ACSL1: variants seen among roughly 807,000 people sequenced by gnomAD.
The protein encoded by ACSL1 is acyl-CoA synthetase long chain family member 1, also known as long-chain-fatty-acid--CoA ligase 1.
In ACSL1, 41 loss-of-function variants were observed where a neutral mutation model predicts 98.4. That is an observed-to-expected ratio of 0.42 (90% CI 0.32 to 0.54). ACSL1 has a LOEUF of 0.54. Among genes scored for constraint, ACSL1 ranks in the 20% least tolerant of loss-of-function variants. The pLI is 0.13. For synonymous variants in ACSL1, 316 were observed against 322.7 expected (o/e 0.98, Z 0.22); for missense variants, 734 against 883.1 (o/e 0.83, Z 2.14).
At position 184,766,043 on chromosome 4, in the gene ACSL1, C is replaced by T; in HGVS notation, c.1264-57G>A. 6.4e-7 allele frequency: 1 copy of T among 1,567,724 alleles called. No individual in the cohort carries two copies. The highest frequency in any genetic ancestry group is 8.7e-7 in the Non-Finnish European group (1 of 1,143,278). ...GGTTACACACCTGGAAGTCGGCGGC[C>T]TCTCCGCCAAGGGGGCCTGCTTGGG... On this transcript the variant is annotated intron_variant, in intron 13 of 20. Coordinates refer to ENST00000281455, the MANE Select transcript of ACSL1 (RefSeq NM_001995.5). The surrounding 1 kb of genome is among the most constrained non-coding windows in gnomAD (Gnocchi z 4.8).
intron 1 of ACSL1, chr4:184,814,878 G>A (rs1005583855): frequency 2.4e-5 from 9 of 374,280 alleles, no homozygotes; most frequent in Non-Finnish European, 3.7e-5. Flanking sequence ...TTCCACTTTC[G>A]TGCCTCTTTG....
rs1245446319 is a variant in ACSL1 at position 184,773,990 on chromosome 4, C to T, written c.757-115G>A. The T allele has an allele frequency of 8.4e-6, 9 of 1,068,892 alleles. No homozygotes were observed. The highest frequency in any genetic ancestry group is 2.5e-5 in the East Asian group (1 of 40,100). The allele number at this position is 1,068,892 out of a possible 1,614,324, so 66.2% of individuals were successfully genotyped here. ...CTGTGGGGTTCATTCACACCTGGCT[C>T]GAAAACAGCATAATTTTCTAATTAA... On this transcript the variant is annotated intron_variant, in intron 7 of 20. Transcript: ENST00000281455. The surrounding 1 kb of genome is among the most constrained non-coding windows in gnomAD (Gnocchi z 4.3).
chr4:184,776,520 C>A lies in ACSL1; in HGVS notation c.720G>T (p.Arg240Ser). ...TCATGCTGGTGACTTCCACCCCACA[C>A]CTCTGGCCTCGTTCCACCAGTTCAC... is the stretch of plus-strand genomic sequence containing the variant. Reference protein sequence around the residue: ...YGSELVERGQRCGVEVTSMKA... With the variant: ...YGSELVERGQSCGVEVTSMKA... Residue 240 changes from arginine to serine, a missense_variant, in exon 7 of 21, where the codon AGG becomes AGT. Coordinates refer to ENST00000281455, the MANE Select transcript of ACSL1 (RefSeq NM_001995.5). The A allele has an allele frequency of 1.2e-6, 2 of 1,613,970 alleles. 1 individual carries two copies. Among genetic ancestry groups the A allele is most frequent in the South Asian group, 2.2e-5 (2 of 91,076 alleles).
At chr4:184,813,850 T>C (rs1226634415) in intron 1 of ACSL1, 3 of 456,082 alleles carry the variant, frequency 6.6e-6, no homozygotes, top group South Asian at 4.6e-5. Flanking sequence ...ACTTTCCTCC[T>C]CCGAGGGCCA....
intron 1 of ACSL1, among the ~76,000 whole-genome samples, chr4:184,823,777 G>C (rs1002697490): frequency 8.5e-5 from 13 of 152,246 alleles, no homozygotes; most frequent in African/African-American, 2.9e-4. Context: ...ATTTCAGTTT[G>C]TGGTAAGCCC....
At chr4:184,813,631 C>A (rs186270739) in intron 1 of ACSL1, 3 of 309,582 alleles carry the variant, frequency 9.7e-6, no homozygotes, top group East Asian at 1.6e-4. Context: ...AAGACAAGCA[C>A]GGCCTGTTAT....
rs555088352 is a variant in ACSL1 at position 184,794,440 on chromosome 4, C to T, written c.196-5709G>A. ...GTCACAAGGTAACAATGAGGCCTCA[C>T]GCTCACTATTCGTACTCACTACTGA... is the stretch of plus-strand genomic sequence containing the variant. On this transcript the variant is annotated intron_variant, in intron 2 of 20. Coordinates refer to ENST00000281455, the MANE Select transcript of ACSL1 (RefSeq NM_001995.5). Among the ~76,000 whole-genome samples the T allele has an allele frequency of 3.9e-5, 6 of 152,338 alleles. No individual in the cohort carries two copies. The South Asian group carries it at 1.0e-3, about 26-fold the overall frequency.
At chr4:184,794,839 A>G (rs1769062541) in intron 2 of ACSL1, among the ~76,000 whole-genome samples, 1 of 152,096 alleles carries the variant, frequency 6.6e-6, no homozygotes, top group African/African-American at 2.4e-5. Flanking sequence ...TGATTTTTCA[A>G]CACTTGCTCC....
intron 1 of ACSL1, among the ~76,000 whole-genome samples, chr4:184,804,542 C>T (rs1431116717): frequency 2.0e-5 from 3 of 151,274 alleles, no homozygotes; most frequent in Admixed American, 2.0e-4. Flanking sequence ...GATCGTGCCA[C>T]TGCACTCCAA....
At chr4:184,820,155 C>T (rs1772947176) in intron 1 of ACSL1, among the ~76,000 whole-genome samples, 1 of 152,140 alleles carries the variant, frequency 6.6e-6, no homozygotes, top group East Asian at 1.9e-4. Context: ...GTAGCTGGGA[C>T]TACAGGTGCC....
intron 10 of ACSL1, among the ~76,000 whole-genome samples, chr4:184,771,664 C>A (rs1764532455): frequency 6.6e-6 from 1 of 152,130 alleles, no homozygotes; most frequent in Non-Finnish European, 1.5e-5. Flanking sequence ...CTGGCCAAAA[C>A]AGGGGGTGTG....
At chr4:184,787,736 T>C (rs953138506) in intron 3 of ACSL1, among the ~76,000 whole-genome samples, 1 of 152,044 alleles carries the variant, frequency 6.6e-6, no homozygotes, top group Non-Finnish European at 1.5e-5. Flanking sequence ...TGGTGGTGCA[T>C]GCCTGTAATC....
rs140225250 is a variant in ACSL1 at position 184,772,911 on chromosome 4, T to A, written c.915+170A>T. Among the ~76,000 whole-genome samples the A allele has an allele frequency of 5.5e-3, 842 of 152,208 alleles. 19 individuals carry two copies. The highest frequency in any genetic ancestry group is 0.05 in the South Asian group (242 of 4,808). On this transcript the variant is annotated intron_variant, in intron 10 of 20. Coordinates refer to ENST00000281455, the MANE Select transcript of ACSL1 (RefSeq NM_001995.5). ...CAAGGGTTGGCGATTAGGTTCAAAG[T>A]GAAAAAAGAGAGAAGGTGGACTTGG...
In ACSL1 at chr4:184,773,776, C is replaced by T; in HGVS notation, c.790-62G>A. The T allele has an allele frequency of 6.2e-7, 1 of 1,610,660 alleles. No homozygotes were observed. The highest frequency in any genetic ancestry group is 8.5e-7 in the Non-Finnish European group (1 of 1,178,870). Reference sequence around the variant, plus strand: ...GAACAGAAAAGAGAACTATAAGCCACAAGGTACCAGGCTAGATATTGAAAA... The same window carrying T: ...GAACAGAAAAGAGAACTATAAGCCATAAGGTACCAGGCTAGATATTGAAAA... On this transcript the variant is annotated intron_variant, in intron 8 of 20. Transcript: ENST00000281455. This position sits in a 1 kb window ranked among gnomAD's most constrained non-coding sequence, Gnocchi z 4.3.
At chr4:184,783,258 T>C (rs7695530) in intron 4 of ACSL1, among the ~76,000 whole-genome samples, 77,562 of 152,016 alleles carry the variant, frequency 0.51, 20,732 homozygotes, top group Middle Eastern at 0.66. Context: ...CTGTAGCCGT[T>C]GATGGGTGGG....
chr4:184,785,498 T>G (rs1029311808), intron 3 of ACSL1, among the ~76,000 whole-genome samples: 2 of 151,600 alleles, frequency 1.3e-5, no homozygotes, highest in Admixed American at 6.6e-5. Flanking sequence ...TTCAACAAAC[T>G]TCTGACCCCT....
chr4:184,769,062 C>T (rs1245940554), intron 11 of ACSL1, among the ~76,000 whole-genome samples: 6 of 77,656 alleles, frequency 7.7e-5, no homozygotes, highest in Non-Finnish European at 1.5e-4. Context: ...GAGGGAGACT[C>T]TGTCTCAAAT....
At chr4:184,801,430 A>G (rs970703430) in intron 2 of ACSL1, among the ~76,000 whole-genome samples, 6 of 152,206 alleles carry the variant, frequency 3.9e-5, no homozygotes, top group African/African-American at 1.4e-4. Context: ...GAACACAGCA[A>G]CAATATTCCA....
chr4:184,807,671 C>A (rs149440639), intron 1 of ACSL1, among the ~76,000 whole-genome samples: 125 of 152,302 alleles, frequency 8.2e-4, no homozygotes, highest in African/African-American at 2.9e-3. Context: ...TCCTGGTACC[C>A]GTCTACCCAA....
Sources: allele counts gnomAD v4.1 joint callset (sites outside exome capture counted in the v4.1 genomes callset), GRCh38; gene constraint gnomAD v4.1.1; non-coding constraint Gnocchi (gnomAD v3.1); transcripts MANE v1.5; gene names NCBI Gene and HGNC (gene_info 2026-07-23, HGNC 2026-07-21).